Variants in RIPOR2 observed in about 807,000 individuals in gnomAD.
RIPOR2 encodes RHO family interacting cell polarization regulator 2, also known as rho family-interacting cell polarization regulator 2.
RIPOR2 carries 39 observed loss-of-function variants against 114.5 expected under a neutral mutation model. The ratio of observed to expected loss-of-function variants is 0.34; its 90% CI spans 0.26 to 0.44. RIPOR2 has a LOEUF of 0.44. Ranked by LOEUF, RIPOR2 falls within the 20% of genes least tolerant of loss-of-function variation. The pLI, the probability that RIPOR2 is intolerant of heterozygous loss-of-function variation, is 1.00. For missense variants in RIPOR2, 1,007 were observed against 1,255.1 expected, an observed-to-expected ratio of 0.80 and a Z score of 2.99; for synonymous variants, 445 against 484.4, an observed-to-expected ratio of 0.92 and a Z score of 1.07.
intron 1 of RIPOR2, among the ~76,000 whole-genome samples, chr6:24,988,061 C>T (rs11965444): frequency 0.02 from 3,119 of 152,172 alleles, 89 homozygotes; most frequent in African/African-American, 0.071. Context: ...TTTCAAGACT[C>T]TTTCAGTTCA....
intron 1 of RIPOR2, among the ~76,000 whole-genome samples, chr6:24,921,542 T>C (rs1050495939): frequency 6.6e-6 from 1 of 152,108 alleles, no homozygotes; most frequent in Non-Finnish European, 1.5e-5. Flanking sequence ...GACCTCCATA[T>C]GTTCAGACCT....
intron 16 of RIPOR2, among the ~76,000 whole-genome samples, chr6:24,831,964 G>A (rs565623777): frequency 6.4e-4 from 98 of 152,118 alleles, no homozygotes; most frequent in Non-Finnish European, 1.2e-3. Context: ...AAAGGGAACC[G>A]CACCAGCAGA....
chr6:25,041,449 A>C lies in RIPOR2; in HGVS notation c.76+402T>G, dbSNP rs758327830. ...CTTGAATTTCACCTCATCTAGCGAC[A>C]CTGCTGATAACCTGTTTGATTCAGA... is the stretch of plus-strand genomic sequence containing the variant. On this transcript the variant is annotated intron_variant, in intron 1 of 13. Transcript: ENST00000510784. Among the ~76,000 whole-genome samples, 161 of 152,364 alleles carry C rather than the reference A, an allele frequency of 1.1e-3. 1 individual carries two copies. The highest frequency in any genetic ancestry group is 6.8e-3 in the Middle Eastern group (2 of 294).
chr6:24,995,903 T>C (rs1188457860), intron 1 of RIPOR2, among the ~76,000 whole-genome samples: 4 of 151,274 alleles, frequency 2.6e-5, no homozygotes, highest in South Asian at 2.1e-4. Context: ...CCCGGGTTCA[T>C]GCCATTCTCC....
At chr6:24,998,770 G>A (rs1775158608) in intron 1 of RIPOR2, among the ~76,000 whole-genome samples, 1 of 152,144 alleles carries the variant, frequency 6.6e-6, no homozygotes, top group Non-Finnish European at 1.5e-5. Flanking sequence ...GGGTTATTGT[G>A]GAACAGGAAT....
intron 12 of RIPOR2, 123 bp downstream of exon 12, chr6:24,847,902 G>C: frequency 1.5e-6 from 2 of 1,332,714 alleles, no homozygotes; most frequent in Non-Finnish European, 2.1e-6. Flanking sequence ...GAAAAACAGA[G>C]GAGGCTCACC....
rs114453873 is a variant in RIPOR2, at chr6:24,950,879, T to C, written c.77-75062A>G. ...TTATTTTCTCTGCTGACCTCTGCAG[T>C]ACCATAGAACACAGTCCAGGCATTA... On this transcript the variant is annotated intron_variant, in intron 1 of 13. Coordinates refer to the RIPOR2 transcript ENST00000510784. Among the ~76,000 whole-genome samples, 959 of 152,344 alleles carry C rather than the reference T, an allele frequency of 6.3e-3. 6 individuals are homozygous for C. The highest frequency in any genetic ancestry group is 0.021 in the African/African-American group (892 of 41,572).
At chr6:24,844,178 T>C (rs1762027015) in intron 12 of RIPOR2, among the ~76,000 whole-genome samples, 1 of 152,192 alleles carries the variant, frequency 6.6e-6, no homozygotes, top group South Asian at 2.1e-4. Flanking sequence ...AAATGGAACA[T>C]CAATCTTGCA....
intron 1 of RIPOR2, among the ~76,000 whole-genome samples, chr6:24,935,380 C>CAG (rs528051546): frequency 0.015 from 1,706 of 116,490 alleles, 14 homozygotes; most frequent in Non-Finnish European, 0.021. Context: ...GAGAGAGAGA[C>CAG]AGAGAGAGAG....
chr6:24,874,317 C>T (rs544479487), intron 2 of RIPOR2, among the ~76,000 whole-genome samples: 3 of 152,168 alleles, frequency 2.0e-5, no homozygotes, highest in South Asian at 4.1e-4. Flanking sequence ...TGCTATGTTG[C>T]CCAGGCTGGT....
At chr6:24,976,255 G>T (rs1037140245) in intron 1 of RIPOR2, among the ~76,000 whole-genome samples, 1 of 152,094 alleles carries the variant, frequency 6.6e-6, no homozygotes, top group African/African-American at 2.4e-5. Flanking sequence ...ATGACAATAA[G>T]GAAATAGTTA....
At chr6:24,963,757 T>C (rs1040512225) in intron 1 of RIPOR2, among the ~76,000 whole-genome samples, 35 of 151,884 alleles carry the variant, frequency 2.3e-4, no homozygotes, top group African/African-American at 7.2e-4. Context: ...TGTGTGTGTG[T>C]GTGTATTTGT....
At chr6:25,004,979 A>G (rs1775486801) in intron 1 of RIPOR2, among the ~76,000 whole-genome samples, 1 of 127,792 alleles carries the variant, frequency 7.8e-6, no homozygotes, top group Non-Finnish European at 1.6e-5. Context: ...AATGTATTCA[A>G]ATAGGCTACA....
intron 13 of RIPOR2, 79 bp downstream of exon 13, chr6:24,842,783 G>T (rs1761848229): frequency 1.3e-6 from 1 of 775,056 alleles, no homozygotes; most frequent in Non-Finnish European, 1.8e-6. Context: ...TTTTTTAAAT[G>T]ATACCTCATC....
At position 24,809,699 on chromosome 6, in the gene RIPOR2, A is replaced by G; in HGVS notation, c.3043+18T>C. Reference sequence around the variant, plus strand: ...GCCAGAAGCAAACAATCATGTAAACAACAACAATAAAACTCACCCAGAGAC... The same window carrying G: ...GCCAGAAGCAAACAATCATGTAAACGACAACAATAAAACTCACCCAGAGAC... On this transcript the variant is annotated intron_variant, in intron 21 of 21. Transcript: ENST00000643898. 1 of 1,482,302 alleles carries G rather than the reference A, an allele frequency of 6.7e-7. No homozygotes were observed. The highest frequency in any genetic ancestry group is 1.2e-5 in the South Asian group (1 of 82,714). The allele number at this position is 1,482,302 out of a possible 1,614,324, so 91.8% of individuals were successfully genotyped here.
intron 11 of RIPOR2, among the ~76,000 whole-genome samples, chr6:24,848,418 C>T (rs1762534089): frequency 1.3e-5 from 2 of 152,200 alleles, no homozygotes; most frequent in African/African-American, 2.4e-5. Context: ...TAGATACACC[C>T]GTTCCTCATT....
In RIPOR2 at chr6:24,852,438, C is replaced by T. The variant is rs1186725637; in HGVS notation, c.759+137G>A. 2.1e-5 allele frequency: 15 copies of T among 701,128 alleles called. No homozygotes were observed. In the Admixed American group the frequency reaches 2.5e-4, roughly 12 times the overall value. The allele number at this position is 701,128 out of a possible 1,614,324, so 43.4% of individuals were successfully genotyped here. On this transcript the variant is annotated intron_variant, in intron 9 of 21. Coordinates refer to ENST00000643898, the MANE Select transcript of RIPOR2 (RefSeq NM_001286445.3). ...AGTCCTGTACCAGTTTCCAGACTTT[C>T]TCATTGGCTTAAAATGTTTTTCAAA...
intron 1 of RIPOR2, among the ~76,000 whole-genome samples, chr6:24,995,057 G>A (rs1261586298): frequency 6.6e-6 from 1 of 152,220 alleles, no homozygotes; most frequent in African/African-American, 2.4e-5. Context: ...ATCTGGTTCT[G>A]AGGAAGAAGG....
At chr6:25,019,096 G>A (rs1451322582) in intron 1 of RIPOR2, among the ~76,000 whole-genome samples, 1 of 152,160 alleles carries the variant, frequency 6.6e-6, no homozygotes, top group African/African-American at 2.4e-5. Context: ...ATAGTGTCCG[G>A]CAACCTTCAA....
Sources: allele counts gnomAD v4.1 joint callset (sites outside exome capture counted in the v4.1 genomes callset), GRCh38; gene constraint gnomAD v4.1.1; transcripts MANE v1.5; gene names NCBI Gene and HGNC (gene_info 2026-07-23, HGNC 2026-07-21).